Variants in JPH2 observed in about 807,000 individuals in gnomAD.
The protein encoded by JPH2 is junctophilin 2.
JPH2 carries 38 observed loss-of-function variants against 55.9 expected under a neutral mutation model. The ratio of observed to expected loss-of-function variants is 0.68; its 90% CI spans 0.52 to 0.89. JPH2 has a LOEUF of 0.89. Ranked by LOEUF, JPH2 falls within the 40% of genes least tolerant of loss-of-function variation. The pLI is 0.00. For missense variants in JPH2, 964 were observed against 1,037.6 expected, an observed-to-expected ratio of 0.93 and a Z score of 0.97; for synonymous variants, 480 against 472.4, an observed-to-expected ratio of 1.02 and a Z score of -0.21.
At chr20:44,144,988 C>T (rs559802422) in intron 2 of JPH2, among the ~76,000 whole-genome samples, 34 of 150,940 alleles carry the variant, frequency 2.3e-4, no homozygotes, top group South Asian at 4.2e-4. Context: ...AATGGAGGTA[C>T]AGGAAGCTTA....
intron 2 of JPH2, among the ~76,000 whole-genome samples, chr20:44,155,966 A>C (rs1237702550): frequency 2.0e-5 from 3 of 151,610 alleles, no homozygotes; most frequent in Non-Finnish European, 4.4e-5. Flanking sequence ...AATCCAGGAG[A>C]TGGAGGTTGC....
chr20:44,175,898 C>T (rs2072729880), intron 1 of JPH2, among the ~76,000 whole-genome samples: 1 of 152,204 alleles, frequency 6.6e-6, no homozygotes, highest in South Asian at 2.1e-4. Flanking sequence ...AGGAGACCCA[C>T]CTACCTGTGC....
At chr20:44,173,139 CCT>C (rs1297364441) in intron 1 of JPH2, among the ~76,000 whole-genome samples, 1 of 152,076 alleles carries the variant, frequency 6.6e-6, no homozygotes, top group African/African-American at 2.4e-5. Context: ...AAACTAACCC[CCT>C]CTTTACTCAG....
chr20:44,177,396 G>A (rs1176037660), intron 1 of JPH2: 1 of 987,564 alleles, frequency 1.0e-6, no homozygotes, highest in Non-Finnish European at 1.2e-6. Context: ...CAAGCTCGAT[G>A]AATCCCAGAA....
intron 2 of JPH2, among the ~76,000 whole-genome samples, chr20:44,123,635 T>A (rs73908569): frequency 4.6e-5 from 7 of 152,274 alleles, no homozygotes; most frequent in Non-Finnish European, 1.0e-4. Flanking sequence ...TGGGAGGCTA[T>A]TGCTTCTAGG....
chr20:44,177,875 A>AT, intron 1 of JPH2: 3 of 1,611,388 alleles, frequency 1.9e-6, no homozygotes, highest in Non-Finnish European at 1.7e-6. Flanking sequence ...ACGGGAATAT[A>AT]TATTTTGGCA....
intron 2 of JPH2, among the ~76,000 whole-genome samples, chr20:44,139,144 T>C (rs951193136): frequency 4.6e-5 from 7 of 152,106 alleles, no homozygotes; most frequent in Non-Finnish European, 8.8e-5. Context: ...CTGGGCCGGC[T>C]TTTTTCCCCC....
intron 2 of JPH2, among the ~76,000 whole-genome samples, chr20:44,152,819 CA>C (rs1428940483): frequency 1.3e-5 from 2 of 152,174 alleles, no homozygotes; most frequent in Non-Finnish European, 2.9e-5. Context: ...TCTTTCATAC[CA>C]GTAAATCTCT....
At chr20:44,145,534 G>T (rs6103651) in intron 2 of JPH2, among the ~76,000 whole-genome samples, 1 of 151,730 alleles carries the variant, frequency 6.6e-6, no homozygotes, top group South Asian at 2.1e-4. Flanking sequence ...AACGCGGGAG[G>T]AGGAGGCTGC....
rs3037626 is a variant in JPH2, at chr20:44,114,565, AGTGTGTGTGTGTGTGT to A, written c.*14+201_*14+216del. Among the ~76,000 whole-genome samples the A allele has an allele frequency of 3.5e-3, 501 of 142,002 alleles. 2 individuals are homozygous for A. The highest frequency in any genetic ancestry group is 7.9e-3 in the African/African-American group (302 of 38,316). 93.2% of individuals were successfully genotyped at this position (142,002 alleles called of 152,430 possible). On this transcript the variant is annotated intron_variant, in intron 5 of 5. Coordinates refer to ENST00000372980, the MANE Select transcript of JPH2 (RefSeq NM_020433.5). ...CTGCAAACACTAAGCTAATGAAGTA[AGTGTGTGTGTGTGTGT>A]GTGTGTGTGTGTGTGTGTGTGTGTG...
At chr20:44,115,408 G>A (rs1196412608) in intron 4 of JPH2, among the ~76,000 whole-genome samples, 1 of 152,146 alleles carries the variant, frequency 6.6e-6, no homozygotes, top group Non-Finnish European at 1.5e-5. Flanking sequence ...CTGCTCATGA[G>A]AACTGTCTCT....
chr20:44,152,151 C>A (rs1472610040), intron 2 of JPH2, among the ~76,000 whole-genome samples: 1 of 152,248 alleles, frequency 6.6e-6, no homozygotes, highest in Non-Finnish European at 1.5e-5. Context: ...CTGGCACAAG[C>A]CTGGCACAGG....
At chr20:44,174,218 C>G (rs757689249) in intron 1 of JPH2, among the ~76,000 whole-genome samples, 16 of 152,144 alleles carry the variant, frequency 1.1e-4, no homozygotes, top group Non-Finnish European at 1.8e-4. Flanking sequence ...GGGACCTGCC[C>G]AAGGCCACAC....
intron 1 of JPH2, among the ~76,000 whole-genome samples, chr20:44,173,261 C>T (rs910852634): frequency 1.3e-5 from 2 of 152,146 alleles, no homozygotes; most frequent in Non-Finnish European, 2.9e-5. Flanking sequence ...ACTGTCAAAA[C>T]CTAAAATTGG....
chr20:44,178,055 A>G (rs893987209), intron 1 of JPH2: 2 of 784,636 alleles, frequency 2.5e-6, no homozygotes, highest in Non-Finnish European at 4.7e-6. Flanking sequence ...CACAGCTGGG[A>G]TTTGAACCCA....
intron 1 of JPH2, among the ~76,000 whole-genome samples, chr20:44,166,866 G>A (rs914494447): frequency 1.3e-5 from 2 of 152,170 alleles, no homozygotes; most frequent in Non-Finnish European, 2.9e-5. Context: ...ACTGAGCTTT[G>A]TAAACCCTGC....
intron 1 of JPH2, among the ~76,000 whole-genome samples, chr20:44,163,507 G>GC (rs2072630671): frequency 6.6e-6 from 1 of 152,118 alleles, no homozygotes; most frequent in Non-Finnish European, 1.5e-5. Flanking sequence ...TGCATGAAGA[G>GC]CCCCCATTAA....
At chr20:44,138,166 C>A (rs894796240) in intron 2 of JPH2, among the ~76,000 whole-genome samples, 2 of 151,592 alleles carry the variant, frequency 1.3e-5, no homozygotes, top group African/African-American at 4.9e-5. Flanking sequence ...CGCCACCACG[C>A]CCGGCCAATT....
rs1038484873 is a variant in JPH2 at position 44,160,537 on chromosome 20, T to G, written c.380-130A>C. Reference sequence around the variant, plus strand: ...CGAGAGGCGCAAGGCCGTCTGAGGGTCAGGGTGCACAGTGCTATGAGTGTT... The same window carrying G: ...CGAGAGGCGCAAGGCCGTCTGAGGGGCAGGGTGCACAGTGCTATGAGTGTT... On this transcript the variant is annotated intron_variant, in intron 1 of 5. Coordinates refer to ENST00000372980, the MANE Select transcript of JPH2 (RefSeq NM_020433.5). This position sits in a 1 kb window ranked among gnomAD's most constrained non-coding sequence, Gnocchi z 4.9. 2.4e-5 allele frequency: 22 copies of G among 903,880 alleles called. 1 individual carries two copies. The highest frequency in any genetic ancestry group is 3.7e-5 in the Non-Finnish European group (21 of 571,960). 56.0% of individuals were successfully genotyped at this position (903,880 alleles called of 1,614,324 possible). A position where few individuals can be genotyped will look rare whatever the true frequency, so the allele number is the denominator to read the frequency against.
Sources: gnomAD v4.1 joint callset for allele counts (sites outside exome capture counted in the v4.1 genomes callset) on GRCh38, gnomAD v4.1.1 for gene constraint, Gnocchi (gnomAD v3.1) non-coding constraint, MANE v1.5 for transcripts, NCBI Gene and HGNC (gene_info 2026-07-23, HGNC 2026-07-21) for gene names.